Variants in PKHD1L1 observed in about 807,000 individuals in gnomAD.
PKHD1L1 encodes fibrocystin-L.
Under a neutral mutation model 462.9 loss-of-function variants are expected in PKHD1L1, and 434 were observed. That is an observed-to-expected ratio of 0.94 (90% CI 0.87 to 1.02). PKHD1L1 has a LOEUF of 1.02. Among genes scored for constraint, PKHD1L1 ranks in the 50% least tolerant of loss-of-function variants. The pLI is 0.00. For missense variants in PKHD1L1, 5,202 were observed against 5,096.1 expected, an observed-to-expected ratio of 1.02 and a Z score of -0.63; for synonymous variants, 1,781 against 1,750.0, an observed-to-expected ratio of 1.02 and a Z score of -0.44.
chr8:109,369,308 AAAG>A lies in PKHD1L1; in HGVS notation c.163+4677_163+4679del, dbSNP rs1466669004. 3.9e-5 allele frequency among the ~76,000 whole-genome samples: 6 copies of A among 152,298 alleles called. No individual in the cohort carries two copies. The East Asian group carries it at 1.2e-3, about 29-fold the overall frequency. On this transcript the variant is annotated intron_variant, in intron 2 of 77. Coordinates refer to ENST00000378402, the MANE Select transcript of PKHD1L1 (RefSeq NM_177531.6). Reference sequence around the variant, plus strand: ...TATACTTTTAAGTTAAAATTTTTAAAAAGAAGACTCCTTTGTATTTCTTTTTAA... The same window carrying A: ...TATACTTTTAAGTTAAAATTTTTAAAAAGACTCCTTTGTATTTCTTTTTAA...
chr8:109,427,576 G>A (rs1474779228), intron 25 of PKHD1L1, among the ~76,000 whole-genome samples: 1 of 152,102 alleles, frequency 6.6e-6, no homozygotes, highest in East Asian at 1.9e-4. Flanking sequence ...TGGTTATAAA[G>A]ATGATTTTTT....
Position 109,409,940 on chromosome 8 carries a change from G to T in PKHD1L1, c.2047G>T (p.Val683Leu). The change falls in exon 19 of 78, where the codon GTG (valine) becomes TTG (leucine). Residue 683 changes from valine to leucine, a missense_variant. This residue lies in a region of PKHD1L1 where 4,497 missense variants were observed against 4,336.8 expected (regional missense o/e 1.04). Coordinates refer to ENST00000378402, the MANE Select transcript of PKHD1L1 (RefSeq NM_177531.6). ...TGCAAATTTTGAAGAAGGATTTGTT[G>T]TGAAATATTTCAGAGACTATGAAAC... The part of the protein sequence containing the change: ...QIANFEEGFV[V>L]KYFRDYETDF... The T allele has an allele frequency of 6.2e-7, 1 of 1,604,782 alleles. No individual in the cohort carries two copies. Among genetic ancestry groups the T allele is most frequent in the South Asian group, 1.1e-5 (1 of 89,424 alleles).
chr8:109,395,586 A>T (rs1436213366), intron 10 of PKHD1L1, among the ~76,000 whole-genome samples: 1 of 152,230 alleles, frequency 6.6e-6, no homozygotes, highest in Non-Finnish European at 1.5e-5. Flanking sequence ...CAATATAACT[A>T]CAACTTATAT....
chr8:109,434,280 C>G (rs373080404), intron 28 of PKHD1L1, among the ~76,000 whole-genome samples: 3 of 151,100 alleles, frequency 2.0e-5, no homozygotes, highest in Non-Finnish European at 2.9e-5. Flanking sequence ...TCACTCTTCC[C>G]AACTCATGAA....
intron 24 of PKHD1L1, among the ~76,000 whole-genome samples, chr8:109,426,497 ATATTT>A (rs1364932460): frequency 3.0e-4 from 45 of 152,076 alleles, no homozygotes; most frequent in African/African-American, 1.1e-3. Flanking sequence ...AAAATTGCAT[ATATTT>A]TATTTCCAGG....
rs1563638012 is a variant in PKHD1L1 at position 109,522,826 on chromosome 8, C to CGG, written c.12267_12268dup (p.Val4090GlyfsTer16). 1 of 1,612,178 alleles carries CGG rather than the reference C, an allele frequency of 6.2e-7. No homozygotes were observed. The highest frequency in any genetic ancestry group is 1.1e-5 in the South Asian group (1 of 90,790). On this transcript the variant is annotated frameshift_variant, in exon 75 of 78. Transcript: ENST00000378402. LOFTEE classifies it high-confidence loss of function. ...TCCTCACTCTTAGTGATCACTCAGC[C>CGG]GGTGGCAGCACAGCCAGGACAGCCA...
Position 109,507,833 on chromosome 8 carries a change from A to T in PKHD1L1, c.11165A>T (p.Lys3722Met). The T allele has an allele frequency of 6.2e-7, 1 of 1,613,616 alleles. No individual in the cohort carries two copies. Among genetic ancestry groups the T allele is most frequent in the Non-Finnish European group, 8.5e-7 (1 of 1,179,674 alleles). ...QVGIGDYRIPKAMLTFLNGSR... is the reference protein window; with the variant it reads ...QVGIGDYRIPMAMLTFLNGSR... ...GGAATTGGAGACTACAGAATTCCTA[A>T]GGCGATGCTCACATTCTTGAATGGA... The change falls in exon 69 of 78, where the codon AAG becomes ATG. Residue 3722 changes from lysine to methionine, a missense_variant. By Grantham distance (95) the Lys-to-Met change is moderately conservative. Coordinates refer to ENST00000378402, the MANE Select transcript of PKHD1L1 (RefSeq NM_177531.6).
chr8:109,502,362 C>T (rs775780209), intron 67 of PKHD1L1, among the ~76,000 whole-genome samples: 1 of 152,096 alleles, frequency 6.6e-6, no homozygotes, highest in Non-Finnish European at 1.5e-5. Flanking sequence ...TCTTGTAAGG[C>T]TCTGTTGAGG....
At chr8:109,411,049 G>A (rs1323635955) in intron 19 of PKHD1L1, among the ~76,000 whole-genome samples, 2 of 151,752 alleles carry the variant, frequency 1.3e-5, no homozygotes, top group African/African-American at 2.4e-5. Flanking sequence ...TTCTTAGCTT[G>A]GATGCACAGT....
chr8:109,404,589 TA>T lies in PKHD1L1; in HGVS notation c.1411del (p.Ser471ValfsTer24). On this transcript the variant is annotated frameshift_variant, in exon 15 of 78. Transcript: ENST00000378402. LOFTEE classifies it high-confidence loss of function. ...YIEILLQEYR[L>X]SAFVDVGLYQ... ...GAAATCTTGCTGCAGGAGTACAGAT[TA>T]AGTGCATTTGTTGATGTTGGACTGT... is the stretch of plus-strand genomic sequence containing the variant. The T allele has an allele frequency of 6.3e-7, 1 of 1,591,198 alleles. No homozygotes were observed. Among genetic ancestry groups the T allele is most frequent in the Non-Finnish European group, 8.6e-7 (1 of 1,167,756 alleles).
At chr8:109,502,287 A>G (rs1819460424) in intron 67 of PKHD1L1, among the ~76,000 whole-genome samples, 1 of 152,156 alleles carries the variant, frequency 6.6e-6, no homozygotes, top group Non-Finnish European at 1.5e-5. Flanking sequence ...TTCCAGCAAC[A>G]TATTAAAACT....
rs750718596 is a variant in PKHD1L1, at chr8:109,400,131, A to G, written c.1068A>G (p.Glu356=). 21 of 1,613,324 alleles carry G rather than the reference A, an allele frequency of 1.3e-5. No homozygotes were observed. Among genetic ancestry groups the G allele is most frequent in the Middle Eastern group, 1.6e-4 (1 of 6,082 alleles). ...VWNNSRPIRL[E]EILEYNEKTP... is the part of the protein sequence containing the mutation. ...ATAATAGCCGTCCAATACGTTTGGAAGAGATACTGGAATACAATGAAAAAA... is the reference window on the plus strand; with the variant it reads ...ATAATAGCCGTCCAATACGTTTGGAGGAGATACTGGAATACAATGAAAAAA... Residue 356 remains glutamate (E), a synonymous_variant, in exon 13 of 78, where the codon GAA becomes GAG. Coordinates refer to ENST00000378402, the MANE Select transcript of PKHD1L1 (RefSeq NM_177531.6).
At chr8:109,398,296 G>C (rs1426060480) in intron 11 of PKHD1L1, among the ~76,000 whole-genome samples, 163 bp from the exon 12 acceptor site, 1 of 152,084 alleles carries the variant, frequency 6.6e-6, no homozygotes, top group Non-Finnish European at 1.5e-5. Flanking sequence ...CAATTATTAT[G>C]TGAAAAGCTT....
intron 72 of PKHD1L1, 28 bp downstream of exon 72, chr8:109,515,333 C>T: frequency 7.0e-7 from 1 of 1,426,646 alleles, no homozygotes; most frequent in Non-Finnish European, 9.4e-7. Context: ...ATACAGTACA[C>T]ATGGAAAATG....
rs1338297180 is a variant in PKHD1L1, at chr8:109,475,282, A to C, written c.8757+13A>C. 2 of 1,576,158 alleles carry C rather than the reference A, an allele frequency of 1.3e-6. No individual in the cohort carries two copies. On this transcript the variant is annotated intron_variant, in intron 51 of 77. Transcript: ENST00000378402. The stretch of plus-strand genomic sequence containing the variant: ...CTATGGATTCAAGGTAAAAATATTT[A>C]TCTTCTAATGATTATAATTGTGTAT...
chr8:109,400,216 C>A lies in PKHD1L1; in HGVS notation c.1153C>A (p.Gln385Lys), dbSNP rs770974401. Residue 385 changes from glutamine to lysine, a missense_variant, in exon 13 of 78, where the codon CAA becomes AAA. This residue lies in a region of PKHD1L1 where 4,497 missense variants were observed against 4,336.8 expected (regional missense o/e 1.04). Transcript: ENST00000378402. ...DSASYIWLME[Q>K]DTFVARFSGF... ...AGCTTCCTATATTTGGCTCATGGAACAAGACACATTTGTTGCACGCTTTAG... is the reference window on the plus strand; with the variant it reads ...AGCTTCCTATATTTGGCTCATGGAAAAAGACACATTTGTTGCACGCTTTAG... 1.9e-6 allele frequency: 3 copies of A among 1,613,650 alleles called. No homozygotes were observed. Among genetic ancestry groups the A allele is most frequent in the African/African-American group, 1.3e-5 (1 of 75,010 alleles).
chr8:109,500,728 C>T (rs544559906), intron 67 of PKHD1L1, among the ~76,000 whole-genome samples: 1 of 148,220 alleles, frequency 6.7e-6, no homozygotes, highest in Non-Finnish European at 1.5e-5. Flanking sequence ...CTTATGAAGC[C>T]ATGACTTCTG....
intron 56 of PKHD1L1, among the ~76,000 whole-genome samples, chr8:109,481,893 A>G (rs1015399627): frequency 2.0e-5 from 3 of 151,806 alleles, no homozygotes; most frequent in African/African-American, 7.2e-5. Flanking sequence ...TTTTCTTCAT[A>G]CAGTTTTCTT....
At chr8:109,493,217 T>TTATATAAATATATATTTATATTAAACA (rs1301480029) in intron 62 of PKHD1L1, among the ~76,000 whole-genome samples, 2 of 148,056 alleles carry the variant, frequency 1.4e-5, no homozygotes, top group East Asian at 1.9e-4. Context: ...ATGCATACTT[T>TTATATAAATATATATTTATATTAAACA]TATATAAATA....
Sources: allele counts gnomAD v4.1 joint callset (sites outside exome capture counted in the v4.1 genomes callset), GRCh38; gene constraint gnomAD v4.1.1; regional missense constraint gnomAD v4.1.1; transcripts MANE v1.5; gene names NCBI Gene and HGNC (gene_info 2026-07-23, HGNC 2026-07-21).